SKA3: variants seen among roughly 807,000 people sequenced by gnomAD.
The protein encoded by SKA3 is spindle and kinetochore-associated protein 3.
Under a neutral mutation model 44.2 loss-of-function variants are expected in SKA3, and 39 were observed. The observed-to-expected ratio is 0.88, with a 90% confidence interval of 0.68 to 1.15. SKA3 has a LOEUF of 1.15. SKA3 is among the 50% of genes most tolerant of loss of function. The pLI is 0.00. For synonymous variants in SKA3, 192 were observed against 172.0 expected, an observed-to-expected ratio of 1.12 and a Z score of -0.91; for missense variants, 511 against 485.8, an observed-to-expected ratio of 1.05 and a Z score of -0.49.
intron 4 of SKA3, 107 bp from the exon 5 acceptor site, chr13:21,161,982 T>C (rs1024514380): frequency 3.0e-5 from 17 of 569,364 alleles, no homozygotes; most frequent in Non-Finnish European, 4.2e-5. Flanking sequence ...CATTCAGTTA[T>C]GCTTTATGGT....
intron 5 of SKA3, among the ~76,000 whole-genome samples, chr13:21,161,469 T>G (rs1163111703): frequency 6.6e-6 from 1 of 152,174 alleles, no homozygotes; most frequent in African/African-American, 2.4e-5. Context: ...TATAAGATAA[T>G]GTACAACTCT....
At chr13:21,157,367 T>C (rs1031312177) in intron 7 of SKA3, among the ~76,000 whole-genome samples, 1 of 152,212 alleles carries the variant, frequency 6.6e-6, no homozygotes, top group Non-Finnish European at 1.5e-5. Context: ...CTAGGCTATA[T>C]GGTATAGACT....
At chr13:21,162,570 G>C (rs149078017) in intron 4 of SKA3, among the ~76,000 whole-genome samples, 4,565 of 152,140 alleles carry the variant, frequency 0.03, 222 homozygotes, top group African/African-American at 0.1. Flanking sequence ...GTTTCACCAT[G>C]TTGGCCAGGC....
In SKA3 at chr13:21,159,929, A is replaced by G. The variant is rs1870341634; in HGVS notation, c.888T>C (p.Ile296=). Residue 296 remains isoleucine, a synonymous_variant, in exon 6 of 9, where the codon ATT becomes ATC. Transcript: ENST00000314759. ...VPTFCTPGLK[I]PSTKNSIALV... ...AAGCTATGCTGTTCTTTGTAGATGGAATTTTCAAACCAGGAGTACAGAATG... is the reference window on the plus strand; with the variant it reads ...AAGCTATGCTGTTCTTTGTAGATGGGATTTTCAAACCAGGAGTACAGAATG... 1 of 1,608,742 alleles carries G rather than the reference A, an allele frequency of 6.2e-7. No individual in the cohort carries two copies. Among genetic ancestry groups the G allele is most frequent in the African/African-American group, 1.3e-5 (1 of 74,388 alleles).
rs979453332 is a variant in SKA3, at chr13:21,167,542, G to A, written c.743+446C>T. On this transcript the variant is annotated intron_variant, in intron 4 of 8. Coordinates refer to ENST00000314759, the MANE Select transcript of SKA3 (RefSeq NM_145061.6). The stretch of plus-strand genomic sequence containing the variant: ...AGCACTTTGGGAGGCCCAGGCGGGC[G>A]GATCATGAGGTCAGGAGATCAGGAC... Among the ~76,000 whole-genome samples, 16 of 152,166 alleles carry A rather than the reference G, an allele frequency of 1.1e-4. No homozygotes were observed. In the South Asian group the frequency reaches 2.5e-3, roughly 24 times the overall value.
In SKA3 at chr13:21,168,074, T is replaced by C; in HGVS notation, c.657A>G (p.Lys219=). 1.9e-6 allele frequency: 3 copies of C among 1,614,098 alleles called. No homozygotes were observed. The highest frequency in any genetic ancestry group is 2.5e-6 in the Non-Finnish European group (3 of 1,179,988). ...ATTCAGAGATACCAAAGTGTTCTAATTTAGGAGTTACACACTCAAAATCAT... is the reference window on the plus strand; with the variant it reads ...ATTCAGAGATACCAAAGTGTTCTAACTTAGGAGTTACACACTCAAAATCAT... The part of the protein sequence containing the change: ...KMDDFECVTP[K]LEHFGISEYT... The change falls in exon 4 of 9, where the codon AAA becomes AAG. Residue 219 remains lysine (K), a synonymous_variant. Coordinates refer to ENST00000314759, the MANE Select transcript of SKA3 (RefSeq NM_145061.6).
intron 6 of SKA3, among the ~76,000 whole-genome samples, chr13:21,159,398 G>A (rs1391462788): frequency 6.6e-6 from 1 of 152,064 alleles, no homozygotes; most frequent in East Asian, 1.9e-4. Flanking sequence ...CTACACTGCT[G>A]TTTCTATCCA....
In SKA3 at chr13:21,176,430, G is replaced by T; in HGVS notation, c.48C>A (p.Ser16Arg). ...GCCGGGCCGTCTCGCAGTCCAGCGT[G>T]CTGGCCAGAGACCGCAGCTTCCCGC... ...SFCGKLRSLA[S>R]TLDCETARLQ... Residue 16 changes from serine (S) to arginine (R), a missense_variant, in exon 1 of 9, where the codon AGC becomes AGA. Coordinates refer to ENST00000314759, the MANE Select transcript of SKA3 (RefSeq NM_145061.6). 1 of 1,585,110 alleles carries T rather than the reference G, an allele frequency of 6.3e-7. No homozygotes were observed. The highest frequency in any genetic ancestry group is 8.6e-7 in the Non-Finnish European group (1 of 1,166,982).
At chr13:21,159,834 C>G (rs1436224577) in intron 6 of SKA3, 68 bp downstream of exon 6, 1 of 1,011,886 alleles carries the variant, frequency 9.9e-7, no homozygotes, top group Non-Finnish European at 1.3e-6. Flanking sequence ...ACTCTTTGAG[C>G]CTGCAAGCAG....
rs74392336 is a variant in SKA3, at chr13:21,170,909, T to TTGTATGTATGTA, written c.331+1418_331+1429dup. 2.6e-3 allele frequency among the ~76,000 whole-genome samples: 392 copies of TTGTATGTATGTA among 150,574 alleles called. 3 individuals carry two copies. Among genetic ancestry groups the TTGTATGTATGTA allele is most frequent in the South Asian group, 4.2e-3 (20 of 4,754 alleles). On this transcript the variant is annotated intron_variant, in intron 3 of 8. Transcript: ENST00000314759. ...GGGTGGTGGTGGTGGTATGGGTTGTTTGTATGTATGTATGTATGTATGTAT... is the reference window on the plus strand; with the variant it reads ...GGGTGGTGGTGGTGGTATGGGTTGTTTGTATGTATGTATGTATGTATGTATGTATGTATGTAT...
At chr13:21,169,628 C>T (rs997629811) in intron 3 of SKA3, among the ~76,000 whole-genome samples, 2 of 152,222 alleles carry the variant, frequency 1.3e-5, no homozygotes, top group African/African-American at 2.4e-5. Flanking sequence ...AATGTATTTT[C>T]ATACTTTCGC....
chr13:21,158,856 C>T (rs1226801501), intron 6 of SKA3, among the ~76,000 whole-genome samples: 6 of 152,160 alleles, frequency 3.9e-5, no homozygotes, highest in African/African-American at 1.4e-4. Flanking sequence ...GGGTAAGTCG[C>T]TTCATCTCTC....
intron 3 of SKA3, among the ~76,000 whole-genome samples, chr13:21,171,062 T>C (rs7981542): frequency 6.6e-6 from 1 of 152,064 alleles, no homozygotes; most frequent in African/African-American, 2.4e-5. Context: ...TGAATAGCTG[T>C]GACTCCAAGT....
At position 21,161,769 on chromosome 13, in the gene SKA3, TA is replaced by T; in HGVS notation, c.829+20del. The T allele has an allele frequency of 8.5e-7, 1 of 1,171,506 alleles. No individual in the cohort carries two copies. Among genetic ancestry groups the T allele is most frequent in the Non-Finnish European group, 1.1e-6 (1 of 875,004 alleles). The allele number at this position is 1,171,506 out of a possible 1,614,324, so 72.6% of individuals were successfully genotyped here. A position where few individuals can be genotyped will look rare whatever the true frequency, so the allele number is the denominator to read the frequency against. On this transcript the variant is annotated intron_variant, in intron 5 of 8. Coordinates refer to ENST00000314759, the MANE Select transcript of SKA3 (RefSeq NM_145061.6). The stretch of plus-strand genomic sequence containing the variant: ...GTTTGGGAAAAATGTTCCTGAGAAG[TA>T]ACTTGATTCTTATACTTACCACTTT...
intron 4 of SKA3, among the ~76,000 whole-genome samples, chr13:21,163,791 T>C (rs921580049): frequency 2.0e-5 from 3 of 152,146 alleles, no homozygotes; most frequent in Non-Finnish European, 4.4e-5. Flanking sequence ...TGAGATGGAG[T>C]CTCATTGTGT....
chr13:21,176,274 T>C (rs767909049), intron 1 of SKA3, 101 bp downstream of exon 1: 10 of 908,834 alleles, frequency 1.1e-5, no homozygotes, highest in Non-Finnish European at 1.4e-5. Flanking sequence ...GTCCACGCCG[T>C]CAGTGCCTGG....
intron 1 of SKA3, 157 bp downstream of exon 1, chr13:21,176,218 C>T: frequency 1.7e-6 from 1 of 593,812 alleles, no homozygotes; most frequent in South Asian, 2.2e-5. Flanking sequence ...CGCCAAACGC[C>T]GAGCAGTGAG....
In SKA3 at chr13:21,168,080, A is replaced by G; in HGVS notation, c.651T>C (p.Thr217=). The G allele has an allele frequency of 6.2e-7, 1 of 1,614,124 alleles. No homozygotes were observed. Among genetic ancestry groups the G allele is most frequent in the Non-Finnish European group, 8.5e-7 (1 of 1,179,976 alleles). Reference sequence around the variant, plus strand: ...AGATACCAAAGTGTTCTAATTTAGGAGTTACACACTCAAAATCATCCATTT... The same window carrying G: ...AGATACCAAAGTGTTCTAATTTAGGGGTTACACACTCAAAATCATCCATTT... ...ALKMDDFECV[T]PKLEHFGISE... The change falls in exon 4 of 9, where the codon ACT becomes ACC. Residue 217 remains threonine (T), a synonymous_variant. Coordinates refer to ENST00000314759, the MANE Select transcript of SKA3 (RefSeq NM_145061.6).
chr13:21,171,437 CGTG>C (rs1051280563), intron 3 of SKA3, among the ~76,000 whole-genome samples: 3 of 151,558 alleles, frequency 2.0e-5, no homozygotes, highest in African/African-American at 7.3e-5. Flanking sequence ...ATTAGCTGGG[CGTG>C]GTGGCGGGCC....
Sources: gnomAD v4.1 joint callset for allele counts (sites outside exome capture counted in the v4.1 genomes callset) on GRCh38, gnomAD v4.1.1 for gene constraint, MANE v1.5 for transcripts, NCBI Gene and HGNC (gene_info 2026-07-23, HGNC 2026-07-21) for gene names.